GPHN: variants seen among roughly 807,000 people sequenced by gnomAD.
GPHN encodes gephyrin.
A neutral mutation model predicts 95.5 loss-of-function variants in GPHN; 17 were observed. That is an observed-to-expected ratio of 0.18 (90% CI 0.12 to 0.27). GPHN has a LOEUF of 0.27. Among genes scored for constraint, GPHN ranks in the 10% least tolerant of loss-of-function variants. GPHN has a pLI of 1.00. For missense variants in GPHN, 660 were observed against 978.1 expected, an observed-to-expected ratio of 0.67 and a Z score of 4.34; for synonymous variants, 320 against 322.5, an observed-to-expected ratio of 0.99 and a Z score of 0.08.
the GPHN span, among the ~76,000 whole-genome samples, chr14:67,392,041 G>C: frequency 1.3e-5 from 2 of 152,176 alleles, no homozygotes; most frequent in African/African-American, 4.8e-5. Context: ...TGTGAAGCTG[G>C]GCAATTGTGT....
chr14:67,729,533 G>C, the GPHN span: 1 of 746,758 alleles, frequency 1.3e-6, no homozygotes, highest in Admixed American at 2.0e-5. Flanking sequence ...GCTTTGTTAA[G>C]GAAACTTACA....
chr14:66,614,593 G>A (rs1173578738), intron 1 of GPHN, among the ~76,000 whole-genome samples: 2 of 66,712 alleles, frequency 3.0e-5, no homozygotes, highest in Non-Finnish European at 5.8e-5. Context: ...TTTTTTTTTT[G>A]CCTATTGTGA....
chr14:67,395,168 C>G, the GPHN span, among the ~76,000 whole-genome samples: 2 of 152,128 alleles, frequency 1.3e-5, no homozygotes, highest in Non-Finnish European at 2.9e-5. Context: ...TGGAGGTGTG[C>G]AGAGGTGGCA....
intron 2 of GPHN, among the ~76,000 whole-genome samples, chr14:66,748,231 A>G (rs1004235005): frequency 1.3e-5 from 2 of 152,102 alleles, no homozygotes; most frequent in African/African-American, 4.8e-5. Flanking sequence ...TTACTATAGT[A>G]CTTATTAATA....
chr14:66,953,330 T>A (rs1038753508), intron 8 of GPHN, among the ~76,000 whole-genome samples: 12 of 151,964 alleles, frequency 7.9e-5, no homozygotes, highest in Non-Finnish European at 1.6e-4. Flanking sequence ...TTAAGTTTAA[T>A]GAAGTCCAGT....
At chr14:66,722,483 G>T (rs1396323576) in intron 2 of GPHN, among the ~76,000 whole-genome samples, 1 of 152,016 alleles carries the variant, frequency 6.6e-6, no homozygotes, top group African/African-American at 2.4e-5. Flanking sequence ...ACTCTCTGTT[G>T]TCCAGGCTGG....
intron 18 of GPHN, among the ~76,000 whole-genome samples, chr14:67,158,199 C>G (rs1412772779): frequency 4.0e-5 from 6 of 148,554 alleles, no homozygotes; most frequent in Non-Finnish European, 7.4e-5. Context: ...CCCAGCTACT[C>G]GGGAGGCTGA....
rs374693077 is a variant in GPHN, at chr14:66,845,754, G to A, written c.294+21188G>A. On this transcript the variant is annotated intron_variant, in intron 4 of 22. Transcript: ENST00000478722. ...TTTTTCTAAAAAGATTGCTAGGCTC[G>A]AACCCCAGAGATTCTGATTCAGTAG... 1.8e-4 allele frequency among the ~76,000 whole-genome samples: 27 copies of A among 151,904 alleles called. No individual in the cohort carries two copies. The East Asian group carries it at 2.7e-3, about 15-fold the overall frequency.
the GPHN span, among the ~76,000 whole-genome samples, chr14:67,228,169 CAAA>C: frequency 1.7e-4 from 11 of 64,120 alleles, no homozygotes; most frequent in Admixed American, 1.8e-4. Flanking sequence ...GACTTTGTCT[CAAA>C]AAAAAAAAAA....
chr14:67,302,193 C>A, the GPHN span: 1 of 1,449,628 alleles, frequency 6.9e-7, no homozygotes, highest in South Asian at 1.5e-5. Flanking sequence ...TGGTTAATTT[C>A]AGAATTCTAA....
intron 8 of GPHN, among the ~76,000 whole-genome samples, chr14:66,957,038 G>A (rs1276157154): frequency 2.0e-5 from 3 of 149,268 alleles, no homozygotes; most frequent in Non-Finnish European, 4.4e-5. Context: ...AGGGTGCAGC[G>A]CACCAGCATG....
At chr14:66,511,203 A>C (rs2058028840) in intron 1 of GPHN, among the ~76,000 whole-genome samples, 1 of 152,162 alleles carries the variant, frequency 6.6e-6, no homozygotes, top group South Asian at 2.1e-4. Flanking sequence ...GATTTGGGGG[A>C]AAGAACTTAC....
At chr14:67,393,697 G>A in the GPHN span, among the ~76,000 whole-genome samples, 7 of 151,982 alleles carry the variant, frequency 4.6e-5, no homozygotes, top group Admixed American at 2.0e-4. Flanking sequence ...CAAGTGATCC[G>A]CCTGCCTCAG....
the GPHN span, among the ~76,000 whole-genome samples, chr14:67,298,730 A>C: frequency 6.6e-6 from 1 of 152,310 alleles, no homozygotes; most frequent in East Asian, 1.9e-4. Flanking sequence ...GTATTTTGAC[A>C]TATATGTACA....
At chr14:67,727,168 T>C in the GPHN span, 13 of 1,613,418 alleles carry the variant, frequency 8.1e-6, no homozygotes, top group Non-Finnish European at 1.0e-5. Flanking sequence ...TTTTTACTCG[T>C]GAGCTGGCCA....
chr14:67,384,178 T>C, the GPHN span: 78 of 152,346 alleles, frequency 5.1e-4, no homozygotes, highest in African/African-American at 1.7e-3. Flanking sequence ...AATAATAAGC[T>C]ACTTGCCTTG....
intron 1 of GPHN, among the ~76,000 whole-genome samples, chr14:66,647,296 A>G (rs2064807110): frequency 6.7e-6 from 1 of 150,148 alleles, no homozygotes; most frequent in South Asian, 2.1e-4. Flanking sequence ...AAAGTCATCT[A>G]GTGTGCTTAA....
the GPHN span, chr14:67,717,889 C>T: frequency 1.1e-4 from 17 of 152,272 alleles, no homozygotes; most frequent in Admixed American, 4.6e-4. Flanking sequence ...CACAGTGAGA[C>T]CCTGTCTCTA....
chr14:67,582,265 A>AC, the GPHN span: 1 of 1,611,444 alleles, frequency 6.2e-7, no homozygotes, highest in Non-Finnish European at 8.5e-7. The surrounding 1 kb of genome is among the most constrained non-coding windows in gnomAD (Gnocchi z 5.0). Flanking sequence ...GAATGAATGC[A>AC]CCATGCAGCC....
Sources: allele counts gnomAD v4.1 joint callset (sites outside exome capture counted in the v4.1 genomes callset), GRCh38; gene constraint gnomAD v4.1.1; non-coding constraint Gnocchi (gnomAD v3.1); transcripts MANE v1.5; gene names NCBI Gene and HGNC (gene_info 2026-07-23, HGNC 2026-07-21).